Variants in AJAP1 observed in about 807,000 individuals in gnomAD.
AJAP1 encodes the protein adherens junction-associated protein 1.
In AJAP1, 5 loss-of-function variants were observed where a neutral mutation model predicts 35.0. The ratio of observed to expected loss-of-function variants is 0.14; its 90% CI spans 0.07 to 0.30. The LOEUF (loss-of-function observed/expected upper bound fraction) is 0.30, where lower values mean the gene tolerates loss of function less well. AJAP1 is among the 10% of genes least tolerant of loss of function. The pLI is 1.00. For missense variants in AJAP1, 586 were observed against 571.0 expected, an observed-to-expected ratio of 1.03 and a Z score of -0.27; for synonymous variants, 284 against 249.3, an observed-to-expected ratio of 1.14 and a Z score of -1.31.
At chr1:4,684,469 C>G (rs1639556964) in intron 1 of AJAP1, among the ~76,000 whole-genome samples, 1 of 152,128 alleles carries the variant, frequency 6.6e-6, no homozygotes, top group Admixed American at 6.5e-5. Flanking sequence ...TCTAGGGCGG[C>G]CTTGTGGCCA....
intron 2 of AJAP1, among the ~76,000 whole-genome samples, chr1:4,739,004 G>T (rs1640995415): frequency 6.6e-6 from 1 of 152,048 alleles, no homozygotes; most frequent in Non-Finnish European, 1.5e-5. Context: ...TTCATGTTGG[G>T]AATTGAGATG....
chr1:4,679,150 T>C (rs1184397253), intron 1 of AJAP1, among the ~76,000 whole-genome samples: 1 of 152,154 alleles, frequency 6.6e-6, no homozygotes, highest in Non-Finnish European at 1.5e-5. Flanking sequence ...AAGAGAACCA[T>C]CCTATTTCAA....
At chr1:4,769,975 G>C in intron 3 of AJAP1, 35 bp downstream of exon 3, 2 of 1,542,458 alleles carry the variant, frequency 1.3e-6, no homozygotes, top group Non-Finnish European at 1.8e-6. Flanking sequence ...CCCAGAAATG[G>C]GGGACTACCG....
chr1:4,738,326 C>T (rs191796380), intron 2 of AJAP1, among the ~76,000 whole-genome samples: 522 of 152,316 alleles, frequency 3.4e-3, no homozygotes, highest in Middle Eastern at 6.8e-3. Context: ...GTTGAGCAGA[C>T]TGAGTCAATA....
chr1:4,712,092 C>T lies in AJAP1; in HGVS notation c.222C>T (p.Val74=). The T allele has an allele frequency of 6.4e-7, 1 of 1,556,904 alleles. No homozygotes were observed. Among genetic ancestry groups the T allele is most frequent in the South Asian group, 1.2e-5 (1 of 83,126 alleles). ...WSFRSGQPAR[V]PAPVWSPRPP... ...TTAGGAGTGGACAGCCAGCGCGGGT[C>T]CCGGCCCCGGTGTGGAGCCCCCGGC... The change falls in exon 2 of 6, where the codon GTC becomes GTT. Residue 74 remains valine, a synonymous_variant. Transcript: ENST00000378191.
intron 1 of AJAP1, among the ~76,000 whole-genome samples, chr1:4,703,129 T>C (rs6686733): frequency 0.14 from 21,822 of 152,172 alleles, 1,724 homozygotes; most frequent in South Asian, 0.26. Context: ...TTTTCAATCA[T>C]ATTAAATCAA....
chr1:4,657,840 A>G (rs1638916165), intron 1 of AJAP1, among the ~76,000 whole-genome samples: 1 of 151,716 alleles, frequency 6.6e-6, no homozygotes, highest in South Asian at 2.1e-4. Context: ...TTTCCCCCCA[A>G]GAGGGAGAAG....
Position 4,656,349 on chromosome 1 carries a change from C to T in AJAP1, c.29+895C>T, listed in dbSNP as rs1557595889. ...GCTGGGCAGGCTGCCTCTGAGCCCT[C>T]GCCCTCCTGCCGGGGCATTCACCGA... On this transcript the variant is annotated intron_variant, in intron 1 of 5. Transcript: ENST00000378191. The surrounding 1 kb of genome is among the most constrained non-coding windows in gnomAD (Gnocchi z 5.7). Among the ~76,000 whole-genome samples the T allele has an allele frequency of 6.6e-6, 1 of 152,314 alleles. No homozygotes were observed. Among genetic ancestry groups the T allele is most frequent in the East Asian group, 1.9e-4 (1 of 5,158 alleles).
chr1:4,755,425 C>T (rs1424236944), intron 2 of AJAP1, among the ~76,000 whole-genome samples: 2 of 152,010 alleles, frequency 1.3e-5, no homozygotes, highest in Admixed American at 6.6e-5. Context: ...CCGTCTCCCT[C>T]CTGCTGGCTC....
In AJAP1 at chr1:4,723,879, C is replaced by T. The variant is rs777647574; in HGVS notation, c.829+11180C>T. On this transcript the variant is annotated intron_variant, in intron 2 of 5. Transcript: ENST00000378191. The surrounding 1 kb of genome is among the most constrained non-coding windows in gnomAD (Gnocchi z 4.3). ...ATGGAAATGGACAATGTGGCAGGGA[C>T]GGAGGAACGGGGACAATACAGAAGC... Among the ~76,000 whole-genome samples the T allele has an allele frequency of 1.3e-5, 2 of 151,812 alleles. No individual in the cohort carries two copies. Among genetic ancestry groups the T allele is most frequent in the African/African-American group, 4.8e-5 (2 of 41,302 alleles).
chr1:4,662,081 C>T (rs571910786), intron 1 of AJAP1, among the ~76,000 whole-genome samples: 49 of 151,408 alleles, frequency 3.2e-4, no homozygotes, highest in African/African-American at 1.1e-3. Flanking sequence ...TGTGTGTGTG[C>T]ATTTTTTTTG....
intron 1 of AJAP1, among the ~76,000 whole-genome samples, chr1:4,664,731 A>G (rs1204381791): frequency 3.9e-5 from 6 of 152,064 alleles, no homozygotes; most frequent in Non-Finnish European, 8.8e-5. Context: ...TGACTCAATG[A>G]CAGAGTCCCG....
intron 1 of AJAP1, among the ~76,000 whole-genome samples, chr1:4,702,033 A>G (rs188481604): frequency 6.6e-6 from 1 of 151,898 alleles, no homozygotes; most frequent in African/African-American, 2.4e-5. Context: ...TTTCTAGTAT[A>G]TCCTCAGTGT....
At chr1:4,732,610 G>A (rs940517069) in intron 2 of AJAP1, among the ~76,000 whole-genome samples, 1 of 152,266 alleles carries the variant, frequency 6.6e-6, no homozygotes, top group Non-Finnish European at 1.5e-5. Context: ...CAATGAGAGT[G>A]TCCCTTGTGC....
rs956283831 is a variant in AJAP1 at position 4,792,028 on chromosome 1, GC to G, written c.*9548del. ...GAATGTTTTAGAACTTTATTCCCCCGCCCCCTCACCCATGTATACCAAAACT... is the reference window on the plus strand; with the variant it reads ...GAATGTTTTAGAACTTTATTCCCCCGCCCCTCACCCATGTATACCAAAACT... On this transcript the variant is annotated 3_prime_UTR_variant, in exon 6 of 6. Coordinates refer to ENST00000378191, the MANE Select transcript of AJAP1 (RefSeq NM_018836.4). The G allele has an allele frequency of 2.0e-5, 3 of 151,430 alleles. No homozygotes were observed. Among genetic ancestry groups the G allele is most frequent in the African/African-American group, 7.3e-5 (3 of 41,148 alleles). 9.4% of individuals were successfully genotyped at this position (151,430 alleles called of 1,614,324 possible).
intron 2 of AJAP1, among the ~76,000 whole-genome samples, chr1:4,743,306 A>G (rs897744552): frequency 5.9e-5 from 9 of 152,172 alleles, no homozygotes; most frequent in African/African-American, 2.2e-4. Flanking sequence ...TCAGCACAAG[A>G]GCGCACATCT....
At chr1:4,717,448 C>T (rs1306082758) in intron 2 of AJAP1, among the ~76,000 whole-genome samples, 2 of 152,224 alleles carry the variant, frequency 1.3e-5, no homozygotes, top group African/African-American at 4.8e-5. Context: ...TTCCCATCAT[C>T]ATTCAGGGTT....
At chr1:4,729,718 T>C (rs951522808) in intron 2 of AJAP1, among the ~76,000 whole-genome samples, 4 of 152,204 alleles carry the variant, frequency 2.6e-5, no homozygotes, top group African/African-American at 9.7e-5. Context: ...TGATTACCTC[T>C]TTCAGGGCTC....
At position 4,712,297 on chromosome 1, in the gene AJAP1, G is replaced by A. The variant is rs1168640477; in HGVS notation, c.427G>A (p.Gly143Ser). 2.7e-6 allele frequency: 4 copies of A among 1,494,820 alleles called. No homozygotes were observed. Among genetic ancestry groups the A allele is most frequent in the Admixed American group, 2.3e-5 (1 of 42,670 alleles). The allele number at this position is 1,494,820 out of a possible 1,614,324, so 92.6% of individuals were successfully genotyped here. Residue 143 changes from glycine (G) to serine (S), a missense_variant, in exon 2 of 6, where the codon GGT becomes AGT. Transcript: ENST00000378191. ...CTCGTCCTCGTCCTCCGCGGTGGCCGGTGGGGCCCCGGAGCAGCAGGCCCT... is the reference window on the plus strand; with the variant it reads ...CTCGTCCTCGTCCTCCGCGGTGGCCAGTGGGGCCCCGGAGCAGCAGGCCCT... ...SSSSSSSAVA[G>S]GAPEQQALLR...
Sources: allele counts gnomAD v4.1 joint callset (sites outside exome capture counted in the v4.1 genomes callset), GRCh38; gene constraint gnomAD v4.1.1; non-coding constraint Gnocchi (gnomAD v3.1); transcripts MANE v1.5; gene names NCBI Gene and HGNC (gene_info 2026-07-23, HGNC 2026-07-21).